Variants in MACROD2 observed in about 807,000 individuals in gnomAD.
The protein encoded by MACROD2 is mono-ADP ribosylhydrolase 2, also known as ADP-ribose glycohydrolase MACROD2.
In MACROD2, 36 loss-of-function variants were observed where a neutral mutation model predicts 70.4. The ratio of observed to expected loss-of-function variants is 0.51; its 90% confidence interval spans 0.39 to 0.68. The LOEUF (loss-of-function observed/expected upper bound fraction) is 0.68, where lower values mean the gene tolerates loss of function less well. Ranked by LOEUF, MACROD2 falls within the 30% of genes least tolerant of loss-of-function variation. The probability of loss-of-function intolerance (pLI) is 0.00; values close to 1 mark genes in which losing one functional copy is unlikely to be tolerated. For missense variants in MACROD2, 496 were observed against 538.4 expected (o/e 0.92, Z 0.78); for synonymous variants, 172 against 178.8 (o/e 0.96, Z 0.30).
intron 3 of MACROD2, among the ~76,000 whole-genome samples, chr20:14,303,321 G>A (rs1034780347): frequency 6.6e-5 from 10 of 152,150 alleles, no homozygotes; most frequent in African/African-American, 1.9e-4. Flanking sequence ...GACGCTGGCC[G>A]TAGAGTCCTT....
At chr20:14,139,851 C>T (rs993640582) in intron 3 of MACROD2, among the ~76,000 whole-genome samples, 52 of 152,134 alleles carry the variant, frequency 3.4e-4, no homozygotes, top group Non-Finnish European at 6.3e-4. Context: ...TAGAAAATTT[C>T]ACATCTGACT....
intron 4 of MACROD2, among the ~76,000 whole-genome samples, chr20:14,499,072 C>T (rs1189516126): frequency 1.3e-5 from 2 of 152,138 alleles, no homozygotes; most frequent in Non-Finnish European, 2.9e-5. Context: ...CTGTGCTCAG[C>T]AGGGGAGGGG....
intron 3 of MACROD2, among the ~76,000 whole-genome samples, chr20:14,190,185 A>G (rs888787747): frequency 7.9e-5 from 12 of 152,304 alleles, no homozygotes; most frequent in African/African-American, 1.4e-4. Context: ...CTAATTCTTC[A>G]TCTGCAAAAT....
chr20:15,392,107 G>A (rs563425506), intron 6 of MACROD2, among the ~76,000 whole-genome samples: 26 of 151,512 alleles, frequency 1.7e-4, no homozygotes, highest in South Asian at 1.3e-3. Flanking sequence ...TTACTATTTG[G>A]TAAATTCAGA....
At chr20:15,733,117 A>G (rs2050969269) in intron 8 of MACROD2, among the ~76,000 whole-genome samples, 1 of 152,068 alleles carries the variant, frequency 6.6e-6, no homozygotes, top group African/African-American at 2.4e-5. Flanking sequence ...AATCCCTTTC[A>G]TCTAAGTTGT....
intron 4 of MACROD2, among the ~76,000 whole-genome samples, chr20:14,557,597 C>G (rs191417392): frequency 2.0e-5 from 3 of 151,942 alleles, no homozygotes; most frequent in African/African-American, 7.2e-5. Context: ...ATAAGTTATT[C>G]AAATTGCTAA....
intron 3 of MACROD2, among the ~76,000 whole-genome samples, chr20:14,287,108 A>T (rs1169189094): frequency 1.3e-5 from 2 of 152,104 alleles, no homozygotes; most frequent in African/African-American, 4.8e-5. Flanking sequence ...ACTGTGTCCT[A>T]TCCTACTCTC....
In MACROD2 at chr20:16,049,822, G is replaced by T; in HGVS notation, c.1301-8G>T. ...TTAATCTAACAAATGGCTTCTCTTT[G>T]TCTTCAGCAGGGGCACAAGATGAAG... is the stretch of plus-strand genomic sequence containing the variant. On this transcript the variant is annotated splice_polypyrimidine_tract_variant and splice_region_variant and intron_variant, in intron 17 of 17. Transcript: ENST00000684519. 1 of 1,612,850 alleles carries T rather than the reference G, an allele frequency of 6.2e-7. No homozygotes were observed. Among genetic ancestry groups the T allele is most frequent in the African/African-American group, 1.3e-5 (1 of 74,874 alleles).
At chr20:15,605,458 G>C (rs896836983) in intron 8 of MACROD2, among the ~76,000 whole-genome samples, 4 of 148,218 alleles carry the variant, frequency 2.7e-5, no homozygotes, top group Admixed American at 6.7e-5. Context: ...GTAAGCGTGT[G>C]TGTGTGTGTG....
At chr20:14,414,407 G>C (rs1288824246) in intron 3 of MACROD2, among the ~76,000 whole-genome samples, 1 of 152,048 alleles carries the variant, frequency 6.6e-6, no homozygotes, top group Non-Finnish European at 1.5e-5. Flanking sequence ...TCCAGAACCT[G>C]AATACTTCTG....
chr20:15,668,880 T>C lies in MACROD2; in HGVS notation c.645+169033T>C, dbSNP rs181058251. Among the ~76,000 whole-genome samples, 15 of 152,318 alleles carry C rather than the reference T, an allele frequency of 9.8e-5. No individual in the cohort carries two copies. In the East Asian group the frequency reaches 1.2e-3, roughly 12 times the overall value. On this transcript the variant is annotated intron_variant, in intron 8 of 17. Coordinates refer to ENST00000684519, the MANE Select transcript of MACROD2 (RefSeq NM_001351661.2). ...CTCTAATTCTATCATTCCTTCTACA[T>C]AGATTAACTAGTAGGCTCCTGTAAA...
intron 8 of MACROD2, among the ~76,000 whole-genome samples, chr20:15,768,554 G>A (rs554243705): frequency 2.6e-5 from 4 of 152,126 alleles, no homozygotes; most frequent in Non-Finnish European, 4.4e-5. Flanking sequence ...AAACATTACC[G>A]CACACTGCTG....
intron 4 of MACROD2, among the ~76,000 whole-genome samples, chr20:14,649,847 G>C (rs531554101): frequency 6.6e-6 from 1 of 152,258 alleles, no homozygotes; most frequent in East Asian, 1.9e-4. Flanking sequence ...ACCCAGGCTT[G>C]GTTCTCATTG....
intron 8 of MACROD2, among the ~76,000 whole-genome samples, chr20:15,770,264 C>A (rs542904753): frequency 1.3e-5 from 2 of 151,850 alleles, no homozygotes; most frequent in East Asian, 1.9e-4. Flanking sequence ...ACCTCTTCTT[C>A]TTTATATCTT....
At chr20:15,531,314 TAAAC>T (rs1568871983) in intron 8 of MACROD2, among the ~76,000 whole-genome samples, 2 of 146,858 alleles carry the variant, frequency 1.4e-5, no homozygotes, top group African/African-American at 2.5e-5. Flanking sequence ...TTTAATAACA[TAAAC>T]AAAAATAAAA....
intron 7 of MACROD2, among the ~76,000 whole-genome samples, chr20:15,498,023 A>C (rs1436031149): frequency 2.0e-5 from 3 of 152,256 alleles, no homozygotes; most frequent in Non-Finnish European, 4.4e-5. Context: ...TCATTTAAAG[A>C]AAACGAATAG....
intron 5 of MACROD2, among the ~76,000 whole-genome samples, chr20:14,840,382 A>G (rs1459618123): frequency 6.6e-6 from 1 of 151,538 alleles, no homozygotes; most frequent in Admixed American, 6.6e-5. Context: ...TAAATTGATC[A>G]AGCTTAAAAT....
intron 5 of MACROD2, among the ~76,000 whole-genome samples, chr20:15,157,572 T>G (rs1401383398): frequency 6.6e-6 from 1 of 152,036 alleles, no homozygotes; most frequent in Non-Finnish European, 1.5e-5. Context: ...GTGTTTTGAT[T>G]ATTTGTTCTC....
chr20:15,895,270 T>C (rs953435031), intron 10 of MACROD2, among the ~76,000 whole-genome samples: 3 of 152,338 alleles, frequency 2.0e-5, no homozygotes, highest in East Asian at 1.9e-4. Flanking sequence ...CTTCACCTCC[T>C]GTAATTATGT....
Sources: allele counts gnomAD v4.1 joint callset (sites outside exome capture counted in the v4.1 genomes callset), GRCh38; gene constraint gnomAD v4.1.1; transcripts MANE v1.5; gene names NCBI Gene and HGNC (gene_info 2026-07-23, HGNC 2026-07-21).